The following WNK1 variants were observed in gnomAD, a reference collection of about 807,000 sequenced individuals.
WNK1 encodes the protein serine/threonine-protein kinase WNK1.
In WNK1, 38 loss-of-function variants were observed where a neutral mutation model predicts 222.8. The observed-to-expected ratio is 0.17, with a 90% CI of 0.13 to 0.22. The LOEUF is 0.22. Among genes scored for constraint, WNK1 ranks in the 10% least tolerant of loss-of-function variants. The probability of loss-of-function intolerance (pLI) is 1.00; values close to 1 mark genes in which losing one functional copy is unlikely to be tolerated. For missense variants in WNK1, 2,348 were observed against 2,918.4 expected (o/e 0.80, Z 4.50); for synonymous variants, 1,090 against 1,092.9 (o/e 1.00, Z 0.05).
Position 909,490 on chromosome 12 carries a change from T to C in WNK1, c.*698T>C, listed in dbSNP as rs1955946507. 6.6e-6 allele frequency: 1 copy of C among 152,262 alleles called. No homozygotes were observed. The allele number at this position is 152,262 out of a possible 1,614,324, so 9.4% of individuals were successfully genotyped here. Reference sequence around the variant, plus strand: ...GGAAACACTGTGATATATAAAATGTTGTTGGACAACAGTAGTTTTAAGAGT... The same window carrying C: ...GGAAACACTGTGATATATAAAATGTCGTTGGACAACAGTAGTTTTAAGAGT... On this transcript the variant is annotated 3_prime_UTR_variant, in exon 28 of 28. Coordinates refer to ENST00000315939, the MANE Select transcript of WNK1 (RefSeq NM_018979.4).
intron 20 of WNK1, among the ~76,000 whole-genome samples, chr12:887,731 T>G (rs1016286330): frequency 3.3e-5 from 5 of 152,184 alleles, no homozygotes; most frequent in Non-Finnish European, 5.9e-5. Flanking sequence ...GCAACCAGTC[T>G]CTTCTTGAAT....
At chr12:837,520 G>A (rs978521599) in intron 4 of WNK1, among the ~76,000 whole-genome samples, 3 of 150,262 alleles carry the variant, frequency 2.0e-5, no homozygotes, top group Non-Finnish European at 4.4e-5. Flanking sequence ...GTTGCAGTGA[G>A]CCGAGATCAC....
chr12:883,733 T>C, intron 16 of WNK1, 41 bp from the exon 17 acceptor site: 1 of 1,612,436 alleles, frequency 6.2e-7, no homozygotes, highest in Non-Finnish European at 8.5e-7. Flanking sequence ...GTCATTGAGA[T>C]TGCATTTGAG....
intron 10 of WNK1, 90 bp downstream of exon 10, chr12:878,451 G>T: frequency 2.8e-6 from 4 of 1,406,004 alleles, no homozygotes; most frequent in Non-Finnish European, 2.0e-6. Context: ...CCTTTCATGT[G>T]GATAGACTTC....
intron 19 of WNK1, among the ~76,000 whole-genome samples, chr12:886,338 A>T (rs1399834526): frequency 2.6e-5 from 4 of 152,198 alleles, no homozygotes; most frequent in Non-Finnish European, 5.9e-5. Context: ...CGGGTAAAAT[A>T]CAGGTATTTC....
At chr12:790,275 T>C (rs1347100040) in intron 1 of WNK1, among the ~76,000 whole-genome samples, 1 of 152,200 alleles carries the variant, frequency 6.6e-6, no homozygotes, top group East Asian at 1.9e-4. Context: ...TATTACATTT[T>C]GTTTTTTACT....
At chr12:858,501 T>C (rs1950955707) in intron 5 of WNK1, among the ~76,000 whole-genome samples, 1 of 152,176 alleles carries the variant, frequency 6.6e-6, no homozygotes, top group Non-Finnish European at 1.5e-5. Flanking sequence ...GTTTCAACTC[T>C]TGTTGGAGCA....
intron 1 of WNK1, among the ~76,000 whole-genome samples, chr12:778,187 C>A (rs1319956863): frequency 6.6e-6 from 1 of 152,150 alleles, no homozygotes; most frequent in Non-Finnish European, 1.5e-5. Flanking sequence ...AAGAAGGCTA[C>A]TCCCTTATAC....
intron 1 of WNK1, among the ~76,000 whole-genome samples, chr12:774,131 G>C (rs1942850752): frequency 6.6e-6 from 1 of 152,080 alleles, no homozygotes. Flanking sequence ...GCTTGTCATT[G>C]ACATGCCCAT....
chr12:845,600 G>A (rs1161226827), intron 4 of WNK1, among the ~76,000 whole-genome samples: 1 of 152,214 alleles, frequency 6.6e-6, no homozygotes, highest in Admixed American at 6.5e-5. Context: ...TTGCCTAGCT[G>A]TGAGACCTTG....
chr12:842,507 T>A (rs1402426386), intron 4 of WNK1, among the ~76,000 whole-genome samples: 1 of 152,166 alleles, frequency 6.6e-6, no homozygotes, highest in Admixed American at 6.5e-5. Flanking sequence ...TTTTTAGGTA[T>A]TTCCCCTTAA....
At chr12:782,795 C>T (rs1943851904) in intron 1 of WNK1, among the ~76,000 whole-genome samples, 2 of 151,066 alleles carry the variant, frequency 1.3e-5, no homozygotes, top group South Asian at 2.1e-4. Context: ...TGAGCCACTG[C>T]GCCCAACCTA....
chr12:832,122 C>G (rs1948846303), intron 4 of WNK1, among the ~76,000 whole-genome samples: 1 of 152,142 alleles, frequency 6.6e-6, no homozygotes, highest in South Asian at 2.1e-4. Context: ...GTCGCCCAGG[C>G]TGGAGTGCAG....
rs1954587474 is a variant in WNK1 at position 894,712 on chromosome 12, A to T, written c.5583+77A>T. 4.5e-6 allele frequency: 6 copies of T among 1,331,442 alleles called. No homozygotes were observed. The Admixed American group carries it at 1.0e-4, about 22-fold the overall frequency. 82.5% of individuals were successfully genotyped at this position (1,331,442 alleles called of 1,614,324 possible). On this transcript the variant is annotated intron_variant, in intron 23 of 27. Coordinates refer to ENST00000315939, the MANE Select transcript of WNK1 (RefSeq NM_018979.4). ...TATATAATAAAATTACTGCCTACCT[A>T]TTTGGGACACAATTGCCAGTCTAGT...
chr12:803,037 A>G (rs1483514324), intron 1 of WNK1, among the ~76,000 whole-genome samples: 3 of 152,232 alleles, frequency 2.0e-5, no homozygotes, highest in Non-Finnish European at 4.4e-5. Context: ...AAAAAGAAAA[A>G]AGAATAAAAT....
At chr12:793,677 A>T (rs752483361) in intron 1 of WNK1, among the ~76,000 whole-genome samples, 3 of 152,202 alleles carry the variant, frequency 2.0e-5, no homozygotes, top group Non-Finnish European at 2.9e-5. Context: ...GAAGCACTAT[A>T]GGTTGACTAA....
At chr12:825,735 T>G (rs904880846) in intron 2 of WNK1, among the ~76,000 whole-genome samples, 2 of 152,124 alleles carry the variant, frequency 1.3e-5, no homozygotes, top group Non-Finnish European at 2.9e-5. Context: ...TTAAACAAAT[T>G]CAGGAACTGA....
intron 9 of WNK1, among the ~76,000 whole-genome samples, chr12:877,745 A>G (rs1952761800): frequency 6.6e-6 from 1 of 152,214 alleles, no homozygotes; most frequent in African/African-American, 2.4e-5. Flanking sequence ...CTATAATCAA[A>G]GCTATTCTTC....
intron 2 of WNK1, among the ~76,000 whole-genome samples, chr12:824,772 A>G (rs549533396): frequency 2.6e-5 from 4 of 152,148 alleles, no homozygotes; most frequent in South Asian, 2.1e-4. Context: ...AAAATTTCCA[A>G]TATTTTATTA....
Sources: gnomAD v4.1 joint callset for allele counts (sites outside exome capture counted in the v4.1 genomes callset) on GRCh38, gnomAD v4.1.1 for gene constraint, MANE v1.5 for transcripts, NCBI Gene and HGNC (gene_info 2026-07-23, HGNC 2026-07-21) for gene names.